Variants in KCNH5 observed in about 807,000 individuals in gnomAD.
KCNH5 encodes voltage-gated delayed rectifier potassium channel KCNH5.
KCNH5 carries 46 observed loss-of-function variants against 96.1 expected under a neutral mutation model. The observed-to-expected ratio is 0.48, with a 90% CI of 0.38 to 0.61. The LOEUF (loss-of-function observed/expected upper bound fraction) is 0.61, where lower values mean the gene tolerates loss of function less well. Among genes scored for constraint, KCNH5 ranks in the 20% least tolerant of loss-of-function variants. The pLI is 0.00. For missense variants in KCNH5, 907 were observed against 1,225.8 expected (o/e 0.74, Z 3.88); for synonymous variants, 439 against 449.8 (o/e 0.98, Z 0.30).
chr14:62,807,650 T>C (rs1476206685), intron 8 of KCNH5, among the ~76,000 whole-genome samples: 4 of 152,104 alleles, frequency 2.6e-5, no homozygotes, highest in Admixed American at 1.3e-4. Flanking sequence ...ACATGTGGAA[T>C]TCGCCATGCC....
In KCNH5 at chr14:63,003,625, T is replaced by TA. The variant is rs1491255743; in HGVS notation, c.305-2167_305-2166insT. 6.6e-3 allele frequency among the ~76,000 whole-genome samples: 687 copies of TA among 103,670 alleles called. 9 individuals are homozygous for TA. The highest frequency in any genetic ancestry group is 8.7e-3 in the East Asian group (26 of 2,982). 68.0% of individuals were successfully genotyped at this position (103,670 alleles called of 152,430 possible). ...ATTTATATTTATATATATATATATATTTTTTTTTTTTTGAGACGGAGTCTC... is the reference window on the plus strand; with the variant it reads ...ATTTATATTTATATATATATATATATATTTTTTTTTTTTGAGACGGAGTCTC... On this transcript the variant is annotated intron_variant, in intron 3 of 10. Transcript: ENST00000322893.
At chr14:62,809,007 T>C (rs186163455) in intron 8 of KCNH5, among the ~76,000 whole-genome samples, 7 of 152,252 alleles carry the variant, frequency 4.6e-5, no homozygotes, top group Admixed American at 4.6e-4. Flanking sequence ...CGTTCATGAA[T>C]ATCAAACAGA....
At chr14:62,873,128 C>A (rs922319767) in intron 7 of KCNH5, among the ~76,000 whole-genome samples, 2 of 140,706 alleles carry the variant, frequency 1.4e-5, no homozygotes, top group African/African-American at 5.4e-5. Context: ...CCAGCCTGGG[C>A]GACAGAACGA....
At chr14:63,002,502 C>T (rs2139592453) in intron 3 of KCNH5, among the ~76,000 whole-genome samples, 1 of 152,212 alleles carries the variant, frequency 6.6e-6, no homozygotes, top group Admixed American at 6.5e-5. Context: ...TATTTTAAGA[C>T]ATAAAGGTTT....
intron 2 of KCNH5, among the ~76,000 whole-genome samples, chr14:63,012,969 T>A (rs1000926697): frequency 6.8e-6 from 1 of 147,494 alleles, no homozygotes; most frequent in African/African-American, 2.6e-5. Context: ...ACAAGGGGGA[T>A]GGGATGAAAG....
intron 10 of KCNH5, among the ~76,000 whole-genome samples, chr14:62,724,590 A>G (rs532393033): frequency 1.3e-5 from 2 of 152,290 alleles, no homozygotes; most frequent in African/African-American, 2.4e-5. Context: ...TCTAGGATAC[A>G]TGAGCTGCTT....
In KCNH5 at chr14:62,768,413, G is replaced by A. The variant is rs192091855; in HGVS notation, c.2019+11315C>T. Among the ~76,000 whole-genome samples, 579 of 152,202 alleles carry A rather than the reference G, an allele frequency of 3.8e-3. 3 individuals are homozygous for A. Among genetic ancestry groups the A allele is most frequent in the Admixed American group, 0.015 (231 of 15,280 alleles). ...ATTTTCCTTTAAATGAAAATGATGTGATAGAGCACATCATTTATTAATCAT... is the reference window on the plus strand; with the variant it reads ...ATTTTCCTTTAAATGAAAATGATGTAATAGAGCACATCATTTATTAATCAT... On this transcript the variant is annotated intron_variant, in intron 10 of 10. Transcript: ENST00000322893.
intron 3 of KCNH5, among the ~76,000 whole-genome samples, chr14:63,001,893 C>A (rs762122565): frequency 1.2e-4 from 19 of 152,170 alleles, no homozygotes; most frequent in Non-Finnish European, 1.9e-4. Context: ...CAATTAACTG[C>A]AACAGCCATA....
At chr14:62,912,301 C>G (rs191979687) in intron 7 of KCNH5, among the ~76,000 whole-genome samples, 2 of 151,942 alleles carry the variant, frequency 1.3e-5, no homozygotes, top group East Asian at 3.9e-4. Context: ...ACCATCAAAT[C>G]TTATTCTTTG....
At chr14:62,899,521 C>A (rs1274151762) in intron 7 of KCNH5, among the ~76,000 whole-genome samples, 3 of 152,088 alleles carry the variant, frequency 2.0e-5, no homozygotes, top group Non-Finnish European at 4.4e-5. Context: ...ACTTTTTACC[C>A]CATAAATCTA....
rs369874282 is a variant in KCNH5, at chr14:62,927,324, G to A, written c.1369+22809C>T. On this transcript the variant is annotated intron_variant, in intron 7 of 10. Transcript: ENST00000322893. ...TGGTACAAGCACTGTGGAACACACT[G>A]TGGTGGTTCCTCAAAATATTACAAA... Among the ~76,000 whole-genome samples the A allele has an allele frequency of 3.9e-4, 59 of 152,250 alleles. 3 individuals carry two copies. The South Asian group carries it at 7.7e-3, about 20-fold the overall frequency.
chr14:62,762,839 A>G (rs1472859621), intron 10 of KCNH5, among the ~76,000 whole-genome samples: 1 of 152,218 alleles, frequency 6.6e-6, no homozygotes. Context: ...ACAAGAAGAC[A>G]TAACTATCCT....
intron 6 of KCNH5, among the ~76,000 whole-genome samples, chr14:62,965,550 G>A (rs1890289563): frequency 6.6e-6 from 1 of 152,104 alleles, no homozygotes; most frequent in South Asian, 2.1e-4. Flanking sequence ...GCAGAGCTGT[G>A]AGCTAAATAG....
chr14:62,906,278 T>A (rs991643630), intron 7 of KCNH5, among the ~76,000 whole-genome samples: 1 of 152,144 alleles, frequency 6.6e-6, no homozygotes, highest in Non-Finnish European at 1.5e-5. Flanking sequence ...AAATATAGTA[T>A]GTCTGTGTGT....
intron 9 of KCNH5, among the ~76,000 whole-genome samples, chr14:62,793,501 G>C (rs1886477123): frequency 1.3e-5 from 2 of 151,738 alleles, no homozygotes; most frequent in South Asian, 4.1e-4. Flanking sequence ...GTATGAGTAT[G>C]GGCAGTGATC....
intron 10 of KCNH5, among the ~76,000 whole-genome samples, chr14:62,756,529 A>C (rs1283429465): frequency 6.6e-6 from 1 of 152,202 alleles, no homozygotes; most frequent in Non-Finnish European, 1.5e-5. Context: ...TGTAGAAATC[A>C]TATTAACTGA....
intron 7 of KCNH5, among the ~76,000 whole-genome samples, chr14:62,877,115 T>C (rs1456633752): frequency 6.6e-6 from 1 of 152,146 alleles, no homozygotes; most frequent in Non-Finnish European, 1.5e-5. Flanking sequence ...ATTTAATAAA[T>C]GGTGCTGGGA....
chr14:62,753,005 A>C (rs546972367), intron 10 of KCNH5, among the ~76,000 whole-genome samples: 5 of 152,344 alleles, frequency 3.3e-5, no homozygotes, highest in African/African-American at 1.2e-4. Flanking sequence ...AAACTGAACA[A>C]GAAACCAGGC....
chr14:62,827,021 C>A (rs1013843207), intron 8 of KCNH5, among the ~76,000 whole-genome samples: 1 of 151,832 alleles, frequency 6.6e-6, no homozygotes. Context: ...GACTAACTTA[C>A]AAGGTGCCCA....
Sources: allele counts gnomAD v4.1 joint callset (sites outside exome capture counted in the v4.1 genomes callset), GRCh38; gene constraint gnomAD v4.1.1; transcripts MANE v1.5; gene names NCBI Gene and HGNC (gene_info 2026-07-23, HGNC 2026-07-21).